Variants in HSPA12A observed in about 807,000 individuals in gnomAD.
HSPA12A encodes heat shock 70 kDa protein 12A.
In HSPA12A, 28 loss-of-function variants were observed where a neutral mutation model predicts 69.2. The observed-to-expected ratio is 0.40, with a 90% confidence interval of 0.30 to 0.55. The LOEUF (loss-of-function observed/expected upper bound fraction) is 0.55, where lower values mean the gene tolerates loss of function less well. Among genes scored for constraint, HSPA12A ranks in the 20% least tolerant of loss-of-function variants. The pLI is 0.38. For missense variants in HSPA12A, 686 were observed against 900.7 expected, an observed-to-expected ratio of 0.76 and a Z score of 3.05; for synonymous variants, 345 against 370.5, an observed-to-expected ratio of 0.93 and a Z score of 0.79.
chr10:116,702,797 A>C (rs1370550813), intron 3 of HSPA12A, among the ~76,000 whole-genome samples: 1 of 152,208 alleles, frequency 6.6e-6, no homozygotes, highest in Admixed American at 6.5e-5. Context: ...CATTATGCTA[A>C]TATGTTCTGA....
chr10:116,722,640 C>T (rs1263208737), intron 1 of HSPA12A, among the ~76,000 whole-genome samples: 1 of 152,174 alleles, frequency 6.6e-6, no homozygotes, highest in Non-Finnish European at 1.5e-5. Flanking sequence ...CTCCTCTGCC[C>T]ATCCCTACCC....
intron 2 of HSPA12A, among the ~76,000 whole-genome samples, chr10:116,821,126 C>T (rs1373381393): frequency 6.6e-6 from 1 of 152,178 alleles, no homozygotes; most frequent in Non-Finnish European, 1.5e-5. Context: ...CTACCAAAGT[C>T]TATTCCCAAC....
chr10:116,821,706 C>T (rs1349238482), intron 2 of HSPA12A, among the ~76,000 whole-genome samples: 1 of 152,148 alleles, frequency 6.6e-6, no homozygotes, highest in African/African-American at 2.4e-5. Context: ...CCACGCTGAT[C>T]CACCCGTGTC....
chr10:116,677,130 G>A (rs1849263558), intron 10 of HSPA12A, among the ~76,000 whole-genome samples: 1 of 152,210 alleles, frequency 6.6e-6, no homozygotes, highest in African/African-American at 2.4e-5. Context: ...TCCACGTCTG[G>A]AAGTCAGGGA....
intron 2 of HSPA12A, among the ~76,000 whole-genome samples, chr10:116,815,432 A>T (rs1468042926): frequency 6.6e-6 from 1 of 152,070 alleles, no homozygotes. Context: ...AAAATTAGCC[A>T]GGTGTGGTGG....
chr10:116,706,039 C>T (rs1850237663), intron 2 of HSPA12A, among the ~76,000 whole-genome samples: 1 of 151,974 alleles, frequency 6.6e-6, no homozygotes, highest in South Asian at 2.1e-4. Context: ...GGACTATAGG[C>T]ACCCGCCACC....
intron 2 of HSPA12A, among the ~76,000 whole-genome samples, chr10:116,706,840 C>G (rs1331797165): frequency 6.6e-6 from 1 of 152,184 alleles, no homozygotes; most frequent in Non-Finnish European, 1.5e-5. Context: ...GATTCACTAG[C>G]CCAGAGTCAG....
At chr10:116,701,192 G>C in intron 3 of HSPA12A, 63 bp from the exon 4 acceptor site, 5 of 1,496,900 alleles carry the variant, frequency 3.3e-6, no homozygotes, top group Non-Finnish European at 4.6e-6. Context: ...AGGCAGCACA[G>C]ATTTGAACAC....
chr10:116,814,255 A>C (rs1845254826), intron 2 of HSPA12A, among the ~76,000 whole-genome samples: 1 of 152,248 alleles, frequency 6.6e-6, no homozygotes, highest in South Asian at 2.1e-4. Context: ...ACTCAGACAG[A>C]AGCACAGAGG....
chr10:116,822,162 C>G (rs1845418524), intron 2 of HSPA12A, among the ~76,000 whole-genome samples: 1 of 152,224 alleles, frequency 6.6e-6, no homozygotes, highest in Non-Finnish European at 1.5e-5. Flanking sequence ...CACTTCCACA[C>G]TTGCTCAAGT....
At chr10:116,719,827 C>T (rs970316911) in intron 1 of HSPA12A, among the ~76,000 whole-genome samples, 2 of 152,196 alleles carry the variant, frequency 1.3e-5, no homozygotes, top group Non-Finnish European at 2.9e-5. Context: ...CCCAAAACCA[C>T]ACAGCCAGCA....
chr10:116,796,441 T>A (rs1589711907), intron 2 of HSPA12A, among the ~76,000 whole-genome samples: 1 of 152,084 alleles, frequency 6.6e-6, no homozygotes, highest in African/African-American at 2.4e-5. Flanking sequence ...AGCCTTCCTG[T>A]CCTGCCCTGT....
At chr10:116,704,103 C>G (rs1850161744) in intron 3 of HSPA12A, among the ~76,000 whole-genome samples, 1 of 152,188 alleles carries the variant, frequency 6.6e-6, no homozygotes, top group Admixed American at 6.5e-5. Context: ...CCAGCCATCC[C>G]ATTACTGGGT....
At chr10:116,725,866 A>G (rs1369933503) in intron 1 of HSPA12A, among the ~76,000 whole-genome samples, 4 of 151,952 alleles carry the variant, frequency 2.6e-5, no homozygotes, top group Non-Finnish European at 4.4e-5. Context: ...TTGGGAGGAA[A>G]TCTTAAAAAG....
chr10:116,795,768 T>C (rs1400511656), intron 2 of HSPA12A, among the ~76,000 whole-genome samples: 6 of 150,046 alleles, frequency 4.0e-5, no homozygotes, highest in Admixed American at 4.0e-4. Context: ...AATAAGTATA[T>C]CATATATTAT....
chr10:116,842,758 G>A (rs1845823626), intron 1 of HSPA12A, among the ~76,000 whole-genome samples: 1 of 151,866 alleles, frequency 6.6e-6, no homozygotes, highest in African/African-American at 2.4e-5. Flanking sequence ...ACCCACCACT[G>A]TGCCCAGCTA....
intron 1 of HSPA12A, among the ~76,000 whole-genome samples, chr10:116,722,680 G>A (rs767077283): frequency 6.6e-6 from 1 of 152,128 alleles, no homozygotes; most frequent in Non-Finnish European, 1.5e-5. Context: ...TTGTGGACAT[G>A]CATCACATGG....
intron 2 of HSPA12A, among the ~76,000 whole-genome samples, chr10:116,834,370 C>T (rs995970938): frequency 2.7e-4 from 41 of 152,252 alleles, no homozygotes; most frequent in Non-Finnish European, 2.9e-5. Flanking sequence ...TGGAGTTTGT[C>T]GGTGGCATCT....
At chr10:116,688,900 T>C (rs1003612068) in intron 6 of HSPA12A, among the ~76,000 whole-genome samples, 1 of 152,242 alleles carries the variant, frequency 6.6e-6, no homozygotes, top group Non-Finnish European at 1.5e-5. Flanking sequence ...AAGTCTTTTC[T>C]AAAGGCCTCA....
Sources: allele counts gnomAD v4.1 joint callset (sites outside exome capture counted in the v4.1 genomes callset), GRCh38; gene constraint gnomAD v4.1.1; transcripts MANE v1.5; gene names NCBI Gene and HGNC (gene_info 2026-07-23, HGNC 2026-07-21).